The following PTPN4 variants were observed in gnomAD, a reference collection of about 807,000 sequenced individuals.
PTPN4 encodes protein tyrosine phosphatase non-receptor type 4.
A neutral mutation model predicts 135.5 loss-of-function variants in PTPN4; 49 were observed. The ratio of observed to expected loss-of-function variants is 0.36; its 90% CI spans 0.29 to 0.46. PTPN4 has a LOEUF of 0.46. Ranked by LOEUF, PTPN4 falls within the 20% of genes least tolerant of loss-of-function variation. The pLI is 1.00. For synonymous variants in PTPN4, 333 were observed against 369.9 expected (o/e 0.90, Z 1.14); for missense variants, 860 against 1,101.0 (o/e 0.78, Z 3.10).
intron 1 of PTPN4, among the ~76,000 whole-genome samples, chr2:119,772,049 T>C (rs1324136178): frequency 2.0e-5 from 3 of 152,252 alleles, no homozygotes; most frequent in African/African-American, 7.2e-5. Context: ...ATATTATTTT[T>C]GTGTGTTTCT....
intron 3 of PTPN4, among the ~76,000 whole-genome samples, chr2:119,869,290 T>A (rs981276797): frequency 2.0e-5 from 3 of 152,216 alleles, no homozygotes; most frequent in Admixed American, 2.0e-4. Context: ...TAGAAATATC[T>A]TGATTGTGGA....
At chr2:119,765,073 A>G (rs1239139224) in intron 1 of PTPN4, among the ~76,000 whole-genome samples, 1 of 152,224 alleles carries the variant, frequency 6.6e-6, no homozygotes, top group Admixed American at 6.5e-5. Context: ...TCTAGCGTCA[A>G]AAGCCTTGGG....
intron 3 of PTPN4, among the ~76,000 whole-genome samples, chr2:119,873,615 G>A (rs1677945192): frequency 6.6e-6 from 1 of 152,076 alleles, no homozygotes; most frequent in Non-Finnish European, 1.5e-5. Flanking sequence ...TAGAAACAGA[G>A]CTCCATCCCT....
At chr2:119,968,754 T>C (rs1679483306) in intron 26 of PTPN4, among the ~76,000 whole-genome samples, 1 of 152,122 alleles carries the variant, frequency 6.6e-6, no homozygotes, top group Admixed American at 6.5e-5. Flanking sequence ...ATTGCGCCAC[T>C]GTACTCCAGC....
chr2:119,865,245 C>T (rs574475312), intron 3 of PTPN4, among the ~76,000 whole-genome samples: 19 of 152,120 alleles, frequency 1.2e-4, no homozygotes, highest in South Asian at 1.0e-3. Context: ...GAAATTAAGG[C>T]TTTGAGGATA....
chr2:119,796,718 A>T (rs1691267471), intron 1 of PTPN4, among the ~76,000 whole-genome samples: 1 of 152,240 alleles, frequency 6.6e-6, no homozygotes, highest in African/African-American at 2.4e-5. Context: ...TGGACAGCTC[A>T]TAAAGCAGGA....
chr2:119,958,294 A>G (rs1024282883), intron 22 of PTPN4, among the ~76,000 whole-genome samples: 11 of 150,784 alleles, frequency 7.3e-5, no homozygotes, highest in African/African-American at 1.9e-4. Flanking sequence ...CCATGATCAC[A>G]TGACTGTCAC....
At chr2:119,803,926 C>T (rs1298277819) in intron 1 of PTPN4, among the ~76,000 whole-genome samples, 1 of 151,552 alleles carries the variant, frequency 6.6e-6, no homozygotes, top group African/African-American at 2.4e-5. Context: ...TTTATTTGTT[C>T]CCAAGTCTAC....
chr2:119,938,979 G>T (rs1000096323), intron 15 of PTPN4, among the ~76,000 whole-genome samples: 4 of 152,184 alleles, frequency 2.6e-5, no homozygotes, highest in African/African-American at 7.2e-5. Context: ...TTAAAACGTG[G>T]TTCCACTACT....
intron 2 of PTPN4, among the ~76,000 whole-genome samples, chr2:119,816,464 C>T (rs564280184): frequency 2.0e-5 from 3 of 152,232 alleles, no homozygotes; most frequent in East Asian, 1.9e-4. Flanking sequence ...CACCAGGAAC[C>T]GGTTTCATGG....
intron 9 of PTPN4, among the ~76,000 whole-genome samples, chr2:119,895,794 T>C (rs1678313855): frequency 1.3e-5 from 2 of 150,716 alleles, no homozygotes; most frequent in African/African-American, 2.4e-5. Flanking sequence ...GGTGGCGGGC[T>C]CAGTCCCAGC....
chr2:119,948,195 G>A (rs1014600104), intron 18 of PTPN4, among the ~76,000 whole-genome samples: 2 of 151,786 alleles, frequency 1.3e-5, no homozygotes, highest in Non-Finnish European at 2.9e-5. Flanking sequence ...AAGGGATGAA[G>A]GATTGATGAA....
At chr2:119,925,366 C>T (rs992088847) in intron 12 of PTPN4, among the ~76,000 whole-genome samples, 7 of 152,112 alleles carry the variant, frequency 4.6e-5, no homozygotes, top group East Asian at 1.9e-4. Context: ...TATGACAGCT[C>T]GCACATTAAA....
At chr2:119,780,319 A>G (rs557780061) in intron 1 of PTPN4, among the ~76,000 whole-genome samples, 64 of 152,330 alleles carry the variant, frequency 4.2e-4, no homozygotes, top group Non-Finnish European at 2.2e-4. Flanking sequence ...TCTATGTAGC[A>G]TGATCACACT....
chr2:119,802,786 G>A (rs1428807693), intron 1 of PTPN4, among the ~76,000 whole-genome samples: 1 of 152,128 alleles, frequency 6.6e-6, no homozygotes, highest in Non-Finnish European at 1.5e-5. Flanking sequence ...TCTAGAAATT[G>A]TGTTACTTTT....
rs1679719744 is a variant in PTPN4 at position 119,983,178 on chromosome 2, C to CCTGACA, written c.*6109_*6110insTGACAC. The CCTGACA allele has an allele frequency of 6.6e-6, 1 of 152,176 alleles. No homozygotes were observed. Among genetic ancestry groups the CCTGACA allele is most frequent in the African/African-American group, 2.4e-5 (1 of 41,434 alleles). 9.4% of individuals were successfully genotyped at this position (152,176 alleles called of 1,614,324 possible). A position where few individuals can be genotyped will look rare whatever the true frequency, so the allele number is the denominator to read the frequency against. ...AAGGATTGGTGTCAGGCTCTCTCAA[C>CCTGACA]CCTGGGAGTTTCCAAAATTTAGCAA... On this transcript the variant is annotated 3_prime_UTR_variant, in exon 27 of 27. Coordinates refer to ENST00000263708, the MANE Select transcript of PTPN4 (RefSeq NM_002830.4).
chr2:119,965,431 TG>T, intron 24 of PTPN4, 65 bp from the exon 25 acceptor site: 3 of 1,425,236 alleles, frequency 2.1e-6, no homozygotes, highest in Non-Finnish European at 2.9e-6. Flanking sequence ...ATGAATTTTA[TG>T]AGGTTTGTAG....
At chr2:119,810,661 A>G (rs867762219) in intron 2 of PTPN4, among the ~76,000 whole-genome samples, 3 of 152,202 alleles carry the variant, frequency 2.0e-5, no homozygotes, top group African/African-American at 4.8e-5. Context: ...ATTCTTGTAC[A>G]TATCTTGATA....
chr2:119,960,503 G>A (rs1177641514), intron 22 of PTPN4, among the ~76,000 whole-genome samples: 1 of 152,174 alleles, frequency 6.6e-6, no homozygotes, highest in Non-Finnish European at 1.5e-5. Context: ...AATCGGCCGG[G>A]TGTGGCTCAC....
Sources: allele counts gnomAD v4.1 joint callset (sites outside exome capture counted in the v4.1 genomes callset), GRCh38; gene constraint gnomAD v4.1.1; transcripts MANE v1.5; gene names NCBI Gene and HGNC (gene_info 2026-07-23, HGNC 2026-07-21).